TMEM196: variants seen among roughly 807,000 people sequenced by gnomAD.
TMEM196 encodes transmembrane protein 196.
In TMEM196, 17 loss-of-function variants were observed where a neutral mutation model predicts 20.0. The ratio of observed to expected loss-of-function variants is 0.85; its 90% CI spans 0.58 to 1.27. TMEM196 has a LOEUF of 1.27. TMEM196 is among the 50% of genes most tolerant of loss of function. TMEM196 has a pLI of 0.00. For missense variants in TMEM196, 267 were observed against 223.0 expected (o/e 1.20, Z -1.26); for synonymous variants, 113 against 88.9 (o/e 1.27, Z -1.52).
intron 1 of TMEM196, among the ~76,000 whole-genome samples, chr7:19,742,410 C>T (rs752675369): frequency 8.6e-5 from 13 of 151,968 alleles, no homozygotes; most frequent in Non-Finnish European, 1.8e-4. Flanking sequence ...AGTATGGTGC[C>T]CTTAGAGGAA....
In TMEM196 at chr7:19,725,726, C is replaced by T; in HGVS notation, c.247G>A (p.Gly83Ser). Residue 83 changes from glycine (G) to serine (S), a missense_variant, in exon 3 of 5, where the codon GGC becomes AGC. Gly to Ser is a moderately conservative substitution (Grantham distance 56). Transcript: ENST00000405844. ...CGGAGGAACTGAAAATTCAGGATGCCCCCAATAAGTCCACAGATACAGCAG... is the reference window on the plus strand; with the variant it reads ...CGGAGGAACTGAAAATTCAGGATGCTCCCAATAAGTCCACAGATACAGCAG... ...SACCICGLIG[G>S]ILNFQFLRAV... 1 of 1,612,528 alleles carries T rather than the reference C, an allele frequency of 6.2e-7. No homozygotes were observed. Among genetic ancestry groups the T allele is most frequent in the Non-Finnish European group, 8.5e-7 (1 of 1,178,882 alleles).
At chr7:19,771,129 C>T (rs1367766644) in intron 1 of TMEM196, among the ~76,000 whole-genome samples, 1 of 152,096 alleles carries the variant, frequency 6.6e-6, no homozygotes, top group Non-Finnish European at 1.5e-5. Context: ...AGAACAATAA[C>T]TACAACTCTC....
In TMEM196 at chr7:19,773,231, G is replaced by C. The variant is rs1785965010; in HGVS notation, c.-535C>G. On this transcript the variant is annotated 5_prime_UTR_variant, in exon 1 of 5. Transcript: ENST00000405844. ...TCGTCACCTCTCCTTTGTTTTCGTGGCAATGCGAAGTGCTTCTGCAAGTCT... is the reference window on the plus strand; with the variant it reads ...TCGTCACCTCTCCTTTGTTTTCGTGCCAATGCGAAGTGCTTCTGCAAGTCT... 1 of 152,410 alleles carries C rather than the reference G, an allele frequency of 6.6e-6. No individual in the cohort carries two copies. The highest frequency in any genetic ancestry group is 1.5e-5 in the Non-Finnish European group (1 of 68,232). The allele number at this position is 152,410 out of a possible 1,614,324, so 9.4% of individuals were successfully genotyped here.
chr7:19,743,973 A>G (rs967978387), intron 1 of TMEM196, among the ~76,000 whole-genome samples: 2 of 152,190 alleles, frequency 1.3e-5, no homozygotes, highest in Non-Finnish European at 2.9e-5. Flanking sequence ...TCCGAATCAG[A>G]TAGAAGATTC....
chr7:19,740,081 A>T (rs954153682), intron 1 of TMEM196, among the ~76,000 whole-genome samples: 2 of 152,140 alleles, frequency 1.3e-5, no homozygotes, highest in Non-Finnish European at 2.9e-5. Flanking sequence ...TTATTTTAGC[A>T]CTATTAGTAA....
In TMEM196 at chr7:19,743,140, A is replaced by G. The variant is rs144471318; in HGVS notation, c.148-13702T>C. On this transcript the variant is annotated intron_variant, in intron 1 of 4. Transcript: ENST00000405844. ...TTTCCCCCATCAAAGAACTGGTGGTATATCTGGGCTTTTAAGTTCTTTAAG... is the reference window on the plus strand; with the variant it reads ...TTTCCCCCATCAAAGAACTGGTGGTGTATCTGGGCTTTTAAGTTCTTTAAG... Among the ~76,000 whole-genome samples, 371 of 152,188 alleles carry G rather than the reference A, an allele frequency of 2.4e-3. 2 individuals are homozygous for G. The highest frequency in any genetic ancestry group is 8.6e-3 in the African/African-American group (358 of 41,528).
intron 4 of TMEM196, among the ~76,000 whole-genome samples, chr7:19,723,502 C>T (rs970627328): frequency 6.6e-6 from 1 of 152,128 alleles, no homozygotes; most frequent in Non-Finnish European, 1.5e-5. Flanking sequence ...ATTTTCTTAA[C>T]TGAATTCACT....
intron 1 of TMEM196, among the ~76,000 whole-genome samples, chr7:19,762,261 G>C (rs1169175408): frequency 6.6e-6 from 1 of 151,854 alleles, no homozygotes; most frequent in Non-Finnish European, 1.5e-5. Flanking sequence ...AACCAGAAGA[G>C]TTTCTCTTTG....
chr7:19,765,969 A>G (rs914391586), intron 1 of TMEM196, among the ~76,000 whole-genome samples: 3 of 152,170 alleles, frequency 2.0e-5, no homozygotes, highest in Non-Finnish European at 4.4e-5. Flanking sequence ...CTAGGGAGGC[A>G]AGGAGCAGCA....
In TMEM196 at chr7:19,720,621, A is replaced by G. The variant is rs1405476784; in HGVS notation, c.*1507T>C. The G allele has an allele frequency of 6.6e-6, 1 of 151,948 alleles. No individual in the cohort carries two copies. Among genetic ancestry groups the G allele is most frequent in the Non-Finnish European group, 1.5e-5 (1 of 67,832 alleles). 9.4% of individuals were successfully genotyped at this position (151,948 alleles called of 1,614,324 possible). On this transcript the variant is annotated 3_prime_UTR_variant, in exon 5 of 5. Transcript: ENST00000405844. The stretch of plus-strand genomic sequence containing the variant: ...TATATTCTGATAAATATATTCAGAT[A>G]TATGTTGTTTTTTCACTTATATGTG...
chr7:19,723,664 C>G (rs959063356), intron 4 of TMEM196, among the ~76,000 whole-genome samples: 2 of 152,242 alleles, frequency 1.3e-5, no homozygotes, highest in African/African-American at 2.4e-5. Context: ...ACCAATGTGA[C>G]TATTTGCAAA....
intron 1 of TMEM196, among the ~76,000 whole-genome samples, chr7:19,769,203 A>C (rs1345411064): frequency 6.6e-6 from 1 of 152,170 alleles, no homozygotes. Context: ...CTTATTTGGC[A>C]TTTATAAATA....
chr7:19,725,386 C>T, intron 3 of TMEM196, 128 bp downstream of exon 3: 3 of 1,233,250 alleles, frequency 2.4e-6, no homozygotes, highest in Non-Finnish European at 3.3e-6. Flanking sequence ...CTATTCTTAA[C>T]CCAATAGAGC....
At chr7:19,730,113 G>A (rs141877794) in intron 1 of TMEM196, among the ~76,000 whole-genome samples, 3 of 152,038 alleles carry the variant, frequency 2.0e-5, no homozygotes, top group Non-Finnish European at 2.9e-5. Context: ...AAAATTAGCC[G>A]GGCGTGGTGG....
intron 1 of TMEM196, among the ~76,000 whole-genome samples, chr7:19,741,527 A>G (rs555770365): frequency 5.2e-4 from 79 of 152,290 alleles, no homozygotes; most frequent in Middle Eastern, 3.4e-3. Flanking sequence ...TAGTCATGAT[A>G]GATTAATTCT....
intron 2 of TMEM196, among the ~76,000 whole-genome samples, chr7:19,726,464 T>A (rs1358237713): frequency 6.6e-6 from 1 of 152,234 alleles, no homozygotes; most frequent in African/African-American, 2.4e-5. Context: ...TCCTATGAAC[T>A]GACCCCTATA....
rs1785936262 is a variant in TMEM196, at chr7:19,772,674, A to G, written c.23T>C (p.Ile8Thr). Reference protein sequence around the residue: MCTSGQIIGSLLVLSVLE... With the variant: MCTSGQITGSLLVLSVLE... The stretch of plus-strand genomic sequence containing the variant: ...CACGGAGAGCACCAAGAGGCTCCCA[A>G]TAATCTGACCGCTGGTGCACATCCT... Residue 8 changes from isoleucine to threonine, a missense_variant, in exon 1 of 5, where the codon ATT (isoleucine) becomes ACT (threonine). Ile to Thr is a moderately conservative substitution (Grantham distance 89). Transcript: ENST00000405844. 3 of 1,533,872 alleles carry G rather than the reference A, an allele frequency of 2.0e-6. No individual in the cohort carries two copies. Among genetic ancestry groups the G allele is most frequent in the Non-Finnish European group, 2.6e-6 (3 of 1,137,734 alleles).
chr7:19,730,143 C>G (rs1241447975), intron 1 of TMEM196, among the ~76,000 whole-genome samples: 1 of 151,986 alleles, frequency 6.6e-6, no homozygotes, highest in Non-Finnish European at 1.5e-5. Flanking sequence ...ATGATCCCAG[C>G]TATTCCGGAG....
At chr7:19,772,310 C>G (rs913610642) in intron 1 of TMEM196, among the ~76,000 whole-genome samples, 2 of 140,058 alleles carry the variant, frequency 1.4e-5, no homozygotes, top group Non-Finnish European at 3.0e-5. Flanking sequence ...TTAAACAAAG[C>G]CATTTAATTT....
Sources: allele counts gnomAD v4.1 joint callset (sites outside exome capture counted in the v4.1 genomes callset), GRCh38; gene constraint gnomAD v4.1.1; transcripts MANE v1.5; gene names NCBI Gene and HGNC (gene_info 2026-07-23, HGNC 2026-07-21).